The following SARAF variants were observed in gnomAD, a reference collection of about 807,000 sequenced individuals.
SARAF encodes the protein store-operated calcium entry-associated regulatory factor.
In SARAF, 23 loss-of-function variants were observed where a neutral mutation model predicts 39.7. That is an observed-to-expected ratio of 0.58 (90% CI 0.42 to 0.82). The LOEUF is 0.82. SARAF is among the 40% of genes least tolerant of loss of function. The pLI, the probability that SARAF is intolerant of heterozygous loss-of-function variation, is 0.00. For synonymous variants in SARAF, 175 were observed against 168.5 expected (o/e 1.04, Z -0.30); for missense variants, 384 against 418.5 (o/e 0.92, Z 0.72).
chr8:30,082,816 C>A (rs1283527138), intron 1 of SARAF, 31 bp downstream of exon 1: 2 of 1,417,924 alleles, frequency 1.4e-6, no homozygotes, highest in Non-Finnish European at 1.9e-6. Context: ...AAAGGGCGAA[C>A]GAAGCGCCTG....
chr8:30,075,574 T>C (rs1166133445), intron 1 of SARAF, among the ~76,000 whole-genome samples: 1 of 152,182 alleles, frequency 6.6e-6, no homozygotes, highest in Non-Finnish European at 1.5e-5. Context: ...GCTCTGTCCT[T>C]CAGCTAGTAA....
In SARAF at chr8:30,081,644, A is replaced by G. The variant is rs1158904387; in HGVS notation, c.103+1203T>C. 7.9e-5 allele frequency among the ~76,000 whole-genome samples: 12 copies of G among 152,254 alleles called. No homozygotes were observed. In the East Asian group the frequency reaches 2.3e-3, roughly 29 times the overall value. On this transcript the variant is annotated intron_variant, in intron 1 of 5. Coordinates refer to ENST00000256255, the MANE Select transcript of SARAF (RefSeq NM_016127.6). ...ATAAACCTGTTGCTTAAATTCGACA[A>G]TGCAGGCATTTCCAATCACCAAATC...
intron 4 of SARAF, among the ~76,000 whole-genome samples, chr8:30,066,545 T>C (rs1482608727): frequency 8.5e-5 from 13 of 152,188 alleles, no homozygotes; most frequent in Admixed American, 8.5e-4. Context: ...GTCTTTTTCT[T>C]ATCTCATAAT....
chr8:30,065,786 T>G, intron 5 of SARAF: 1 of 601,198 alleles, frequency 1.7e-6, no homozygotes, highest in Non-Finnish European at 2.9e-6. Context: ...TGGTCTATGG[T>G]AGAGCTAAGC....
chr8:30,066,277 C>T, intron 4 of SARAF, 138 bp from the exon 5 acceptor site: 1 of 924,142 alleles, frequency 1.1e-6, no homozygotes, highest in Non-Finnish European at 1.6e-6. Flanking sequence ...TCAGAGTTAA[C>T]ATGAAATAAA....
chr8:30,063,039 A>T lies in SARAF; in HGVS notation c.*849T>A, dbSNP rs1801594311. Reference sequence around the variant, plus strand: ...CTTTCCCCTTTGGGAAAAAGGGTTTAAAAAAACAAAAAGTAACATTTATTT... The same window carrying T: ...CTTTCCCCTTTGGGAAAAAGGGTTTTAAAAAACAAAAAGTAACATTTATTT... On this transcript the variant is annotated 3_prime_UTR_variant, in exon 6 of 6. Coordinates refer to ENST00000256255, the MANE Select transcript of SARAF (RefSeq NM_016127.6). 1 of 152,194 alleles carries T rather than the reference A, an allele frequency of 6.6e-6. No homozygotes were observed. Among genetic ancestry groups the T allele is most frequent in the Admixed American group, 6.5e-5 (1 of 15,284 alleles). The allele number at this position is 152,194 out of a possible 1,614,324, so 9.4% of individuals were successfully genotyped here.
rs980977216 is a variant in SARAF at position 30,063,434 on chromosome 8, T to C, written c.*454A>G. Reference sequence around the variant, plus strand: ...TTAGCATAATTAGTCCAAAGCTTGATTTAAATGTTTGAAGAACAGCAAACA... The same window carrying C: ...TTAGCATAATTAGTCCAAAGCTTGACTTAAATGTTTGAAGAACAGCAAACA... On this transcript the variant is annotated 3_prime_UTR_variant, in exon 6 of 6. Transcript: ENST00000256255. 4 of 156,840 alleles carry C rather than the reference T, an allele frequency of 2.6e-5. No homozygotes were observed. Among genetic ancestry groups the C allele is most frequent in the Non-Finnish European group, 2.8e-5 (2 of 71,208 alleles). 9.7% of individuals were successfully genotyped at this position (156,840 alleles called of 1,614,324 possible).
At position 30,083,032 on chromosome 8, in the gene SARAF, T is replaced by C; in HGVS notation, c.-83A>G. ...GGTAGCGCGCGCGACGCTGCGCAGC[T>C]ACACCGCTACCCCTGGCGGCGGCGA... On this transcript the variant is annotated 5_prime_UTR_variant, in exon 1 of 6. Coordinates refer to ENST00000256255, the MANE Select transcript of SARAF (RefSeq NM_016127.6). 2 of 1,033,650 alleles carry C rather than the reference T, an allele frequency of 1.9e-6. No individual in the cohort carries two copies. Among genetic ancestry groups the C allele is most frequent in the Admixed American group, 5.7e-5 (2 of 35,176 alleles). 64.0% of individuals were successfully genotyped at this position (1,033,650 alleles called of 1,614,324 possible). A position where few individuals can be genotyped will look rare whatever the true frequency, so the allele number is the denominator to read the frequency against.
intron 5 of SARAF, among the ~76,000 whole-genome samples, chr8:30,065,158 G>A (rs1225537831): frequency 6.6e-6 from 1 of 152,108 alleles, no homozygotes; most frequent in East Asian, 1.9e-4. Flanking sequence ...TGGATACGTG[G>A]GCTGTTTCCA....
At position 30,063,463 on chromosome 8, in the gene SARAF, A is replaced by C. The variant is rs1801602721; in HGVS notation, c.*425T>G. 1 of 160,978 alleles carries C rather than the reference A, an allele frequency of 6.2e-6. No homozygotes were observed. The highest frequency in any genetic ancestry group is 1.4e-5 in the Non-Finnish European group (1 of 74,006). The allele number at this position is 160,978 out of a possible 1,614,324, so 10.0% of individuals were successfully genotyped here. Reference sequence around the variant, plus strand: ...AATGTTTGAAGAACAGCAAACATCAAATAATATAATACCAAATAGAATATT... The same window carrying C: ...AATGTTTGAAGAACAGCAAACATCACATAATATAATACCAAATAGAATATT... On this transcript the variant is annotated 3_prime_UTR_variant, in exon 6 of 6. Coordinates refer to ENST00000256255, the MANE Select transcript of SARAF (RefSeq NM_016127.6).
At chr8:30,078,365 A>G in intron 1 of SARAF, 1 of 356,654 alleles carries the variant, frequency 2.8e-6, no homozygotes, top group African/African-American at 2.2e-5. Flanking sequence ...CCCAACAAAT[A>G]CCCAGGCCTG....
chr8:30,077,585 C>T (rs1214485206), intron 1 of SARAF, among the ~76,000 whole-genome samples: 1 of 152,030 alleles, frequency 6.6e-6, no homozygotes, highest in Non-Finnish European at 1.5e-5. Context: ...AGGTGGATCA[C>T]GAGGTCAAGA....
chr8:30,079,207 G>T (rs1411318781), intron 1 of SARAF, among the ~76,000 whole-genome samples: 1 of 149,608 alleles, frequency 6.7e-6, no homozygotes, highest in Admixed American at 6.6e-5. Flanking sequence ...TAGGGAATTG[G>T]AACAGAGACA....
chr8:30,066,168 T>A (rs1801688503), intron 4 of SARAF, 29 bp from the exon 5 acceptor site: 2 of 1,583,410 alleles, frequency 1.3e-6, no homozygotes, highest in Non-Finnish European at 1.7e-6. Flanking sequence ...AGGTTAGGCA[T>A]TTTTTTCTTG....
chr8:30,069,655 C>A lies in SARAF; in HGVS notation c.687G>T (p.Lys229Asn). Reference protein sequence around the residue: ...NSAGPPPPGFKSEFTGPQNTG... With the variant: ...NSAGPPPPGFNSEFTGPQNTG... The stretch of plus-strand genomic sequence containing the variant: ...AGGGAAACATACCTGTGAACTCAGA[C>A]TTAAAGCCTGGGGGAGGAGGTCCTG... The change falls in exon 3 of 6, where the codon AAG becomes AAT. Residue 229 changes from lysine to asparagine, a missense_variant. Transcript: ENST00000256255. 6.2e-7 allele frequency: 1 copy of A among 1,613,984 alleles called. No individual in the cohort carries two copies. The highest frequency in any genetic ancestry group is 8.5e-7 in the Non-Finnish European group (1 of 1,179,928).
intron 2 of SARAF, among the ~76,000 whole-genome samples, chr8:30,073,484 T>G (rs1242548232): frequency 6.6e-6 from 1 of 152,202 alleles, no homozygotes; most frequent in East Asian, 1.9e-4. Context: ...AATAGAGATA[T>G]ATGAACCCCT....
Position 30,073,899 on chromosome 8 carries a change from C to G in SARAF, c.260G>C (p.Gly87Ala), listed in dbSNP as rs1319072281. 2 of 1,614,064 alleles carry G rather than the reference C, an allele frequency of 1.2e-6. No homozygotes were observed. The highest frequency in any genetic ancestry group is 1.7e-6 in the Non-Finnish European group (2 of 1,180,036). The change falls in exon 2 of 6, where the codon GGC becomes GCC. Residue 87 changes from glycine (G) to alanine (A), a missense_variant. Transcript: ENST00000256255. ...TACCTGTACATCATACCCATCCCAGCCTTTGTTCTGACACTGTATGACTTT... is the reference window on the plus strand; with the variant it reads ...TACCTGTACATCATACCCATCCCAGGCTTTGTTCTGACACTGTATGACTTT... ...TPKVIQCQNKGWDGYDVQWEC... is the reference protein window; with the variant it reads ...TPKVIQCQNKAWDGYDVQWEC...
At chr8:30,077,838 AAGAT>A (rs1585445001) in intron 1 of SARAF, among the ~76,000 whole-genome samples, 2 of 149,236 alleles carry the variant, frequency 1.3e-5, no homozygotes, top group East Asian at 2.0e-4. Context: ...GTAGAGCAAA[AAGAT>A]AGAAAGTAGG....
chr8:30,064,274 G>GT (rs1306565990), intron 5 of SARAF, among the ~76,000 whole-genome samples: 15 of 152,230 alleles, frequency 9.9e-5, no homozygotes. Context: ...AACTCCAGTG[G>GT]TAAGAGACGT....
Sources: allele counts gnomAD v4.1 joint callset (sites outside exome capture counted in the v4.1 genomes callset), GRCh38; gene constraint gnomAD v4.1.1; transcripts MANE v1.5; gene names NCBI Gene and HGNC (gene_info 2026-07-23, HGNC 2026-07-21).